Variants in EML2 observed in about 807,000 individuals in gnomAD.
EML2 encodes EMAP like 2.
In EML2, 59 loss-of-function variants were observed where a neutral mutation model predicts 84.7. The ratio of observed to expected loss-of-function variants is 0.70; its 90% CI spans 0.56 to 0.86. The LOEUF is 0.86. Ranked by LOEUF, EML2 falls within the 40% of genes least tolerant of loss-of-function variation. The probability of loss-of-function intolerance (pLI) is 0.00; values close to 1 mark genes in which losing one functional copy is unlikely to be tolerated. For synonymous variants in EML2, 352 were observed against 348.9 expected, an observed-to-expected ratio of 1.01 and a Z score of -0.10; for missense variants, 818 against 855.6, an observed-to-expected ratio of 0.96 and a Z score of 0.55.
At position 45,638,500 on chromosome 19, in the gene EML2, G is replaced by T; in HGVS notation, c.179+5C>A. 6.2e-7 allele frequency: 1 copy of T among 1,613,948 alleles called. No homozygotes were observed. Among genetic ancestry groups the T allele is most frequent in the Non-Finnish European group, 8.5e-7 (1 of 1,180,008 alleles). ...AGCACCAAGGAGATTCCAGCAAAAG[G>T]ATACACCCACTCCAGCTTGAGCCGG... On this transcript the variant is annotated splice_donor_5th_base_variant and intron_variant, in intron 3 of 18. Coordinates refer to ENST00000245925, the MANE Select transcript of EML2 (RefSeq NM_012155.4).
intron 4 of EML2, 46 bp downstream of exon 4, chr19:45,634,276 A>G: frequency 2.5e-6 from 4 of 1,610,318 alleles, no homozygotes; most frequent in Non-Finnish European, 3.4e-6. Flanking sequence ...CTGGAGCTCC[A>G]TCTCCAGCCA....
rs2122568630 is a variant in EML2 at position 45,609,585 on chromosome 19, A to T, written c.*78T>A. ...CCTCTGCTATAGACATACTCTGGGT[A>T]TATATTACTCTACTCGGCAATAGAC... On this transcript the variant is annotated 3_prime_UTR_variant, in exon 19 of 19. Coordinates refer to ENST00000245925, the MANE Select transcript of EML2 (RefSeq NM_012155.4). 2 of 1,342,842 alleles carry T rather than the reference A, an allele frequency of 1.5e-6. No homozygotes were observed. Among genetic ancestry groups the T allele is most frequent in the East Asian group, 6.4e-5 (2 of 31,080 alleles). 83.2% of individuals were successfully genotyped at this position (1,342,842 alleles called of 1,614,324 possible).
upstream of EML2, chr19:45,644,714 C>G (rs1479594704): frequency 2.2e-6 from 1 of 456,106 alleles, no homozygotes; most frequent in South Asian, 1.5e-5. Flanking sequence ...CTCACCTGAG[C>G]CCGACACCCA....
intron 16 of EML2, among the ~76,000 whole-genome samples, chr19:45,615,449 C>T (rs1970924139): frequency 1.3e-5 from 2 of 150,956 alleles, no homozygotes; most frequent in South Asian, 2.1e-4. Context: ...ACCTGGGAGG[C>T]GGAGCTTGCA....
At chr19:45,641,246 G>C (rs1404407879), upstream of EML2, 1 of 185,018 alleles carries the variant, frequency 5.4e-6, no homozygotes, top group Non-Finnish European at 1.2e-5. Flanking sequence ...GAACACTGTG[G>C]CTGCACCCTT....
At chr19:45,639,871 G>T (rs1974251850), upstream of EML2, among the ~76,000 whole-genome samples, 1 of 152,110 alleles carries the variant, frequency 6.6e-6, no homozygotes, top group Non-Finnish European at 1.5e-5. Flanking sequence ...GCTGGCGCCT[G>T]TAATCCCAGC....
At chr19:45,614,019 G>A (rs545793026) in intron 17 of EML2, among the ~76,000 whole-genome samples, 4 of 152,286 alleles carry the variant, frequency 2.6e-5, no homozygotes, top group African/African-American at 4.8e-5. Context: ...TGTGTCACGC[G>A]TGGGCTTTTG....
intron 17 of EML2, 34 bp downstream of exon 17, chr19:45,614,571 T>C: frequency 6.4e-7 from 1 of 1,570,668 alleles, no homozygotes; most frequent in Non-Finnish European, 8.8e-7. Context: ...AGAACTACTG[T>C]CCTCAGTGAG....
At chr19:45,631,659 T>G (rs1418205511) in intron 6 of EML2, among the ~76,000 whole-genome samples, 1 of 151,666 alleles carries the variant, frequency 6.6e-6, no homozygotes, top group Non-Finnish European at 1.5e-5. Context: ...CCACCCATCT[T>G]GGCCTCCCAA....
At chr19:45,643,655 G>C, upstream of EML2, 3 of 1,536,062 alleles carry the variant, frequency 2.0e-6, no homozygotes, top group Non-Finnish European at 2.6e-6. Flanking sequence ...GCTTAGACGG[G>C]GACAGGGCGT....
At chr19:45,632,308 C>T (rs1415988226) in intron 6 of EML2, among the ~76,000 whole-genome samples, 2 of 151,928 alleles carry the variant, frequency 1.3e-5, no homozygotes, top group African/African-American at 4.8e-5. Context: ...CTGCCTCAGC[C>T]TCCCGAGTAG....
chr19:45,634,668 TCTC>T (rs1190545484), intron 3 of EML2, among the ~76,000 whole-genome samples, 197 bp from the exon 4 acceptor site: 3 of 151,874 alleles, frequency 2.0e-5, no homozygotes, highest in Non-Finnish European at 4.4e-5. Context: ...TTCATGCCAT[TCTC>T]CTGCCTCAGC....
chr19:45,624,867 A>G (rs1184647190), intron 8 of EML2, 49 bp from the exon 9 acceptor site: 1 of 1,373,764 alleles, frequency 7.3e-7, no homozygotes, highest in Non-Finnish European at 1.0e-6. Context: ...TGAAGCAGGT[A>G]GCCTCCCAGA....
chr19:45,612,413 T>C (rs1010280148), intron 18 of EML2, among the ~76,000 whole-genome samples: 9 of 152,190 alleles, frequency 5.9e-5, no homozygotes, highest in Non-Finnish European at 1.0e-4. Context: ...CTGTGGCTCA[T>C]GCCTTGTAAT....
In EML2 at chr19:45,613,740, G is replaced by A. The variant is rs961295243; in HGVS notation, c.1694-69C>T. 5 of 1,562,254 alleles carry A rather than the reference G, an allele frequency of 3.2e-6. No homozygotes were observed. In the African/African-American group the frequency reaches 4.1e-5, roughly 13 times the overall value. On this transcript the variant is annotated intron_variant, in intron 17 of 18. Transcript: ENST00000245925. Reference sequence around the variant, plus strand: ...CAGGGACCGCCAAGAGGAGCAGATTGCCACTCCAGCCACCTTAATTTGTTC... The same window carrying A: ...CAGGGACCGCCAAGAGGAGCAGATTACCACTCCAGCCACCTTAATTTGTTC...
chr19:45,622,675 C>T (rs946915845), intron 9 of EML2, among the ~76,000 whole-genome samples: 1 of 152,156 alleles, frequency 6.6e-6, no homozygotes, highest in Non-Finnish European at 1.5e-5. Context: ...AAGTGATCTG[C>T]CTGCTTCAGC....
At chr19:45,620,671 G>A (rs7257226) in intron 11 of EML2, 23,276 of 178,572 alleles carry the variant, frequency 0.13, 1,685 homozygotes, top group African/African-American at 0.17. Flanking sequence ...TTGAGCCACT[G>A]CGCTGCAGCC....
chr19:45,624,597 G>T (rs941653039), intron 9 of EML2, 122 bp downstream of exon 9: 1 of 693,064 alleles, frequency 1.4e-6, no homozygotes, highest in Non-Finnish European at 2.5e-6. Flanking sequence ...CCTTGACGAG[G>T]GTGTTGGAAT....
intron 7 of EML2, among the ~76,000 whole-genome samples, chr19:45,629,023 G>A (rs1972714556): frequency 2.0e-5 from 3 of 152,076 alleles, no homozygotes; most frequent in African/African-American, 2.4e-5. Flanking sequence ...TCAGCAAGCA[G>A]CCACCTCAAA....
Sources: gnomAD v4.1 joint callset for allele counts (sites outside exome capture counted in the v4.1 genomes callset) on GRCh38, gnomAD v4.1.1 for gene constraint, MANE v1.5 for transcripts, NCBI Gene and HGNC (gene_info 2026-07-23, HGNC 2026-07-21) for gene names.